The following BPTF variants were observed in gnomAD, a reference collection of about 807,000 sequenced individuals.
BPTF encodes the protein bromodomain PHD finger transcription factor.
BPTF carries 18 observed loss-of-function variants against 292.5 expected under a neutral mutation model. The observed-to-expected ratio is 0.06, with a 90% CI of 0.04 to 0.09. BPTF has a LOEUF of 0.09. Among genes scored for constraint, BPTF ranks in the 10% least tolerant of loss-of-function variants. BPTF has a pLI of 1.00. For synonymous variants in BPTF, 1,225 were observed against 1,251.9 expected (o/e 0.98, Z 0.45); for missense variants, 2,726 against 3,498.7 (o/e 0.78, Z 5.57).
At chr17:67,952,504 C>G (rs2066473823) in intron 23 of BPTF, among the ~76,000 whole-genome samples, 1 of 152,052 alleles carries the variant, frequency 6.6e-6, no homozygotes. Context: ...CTCAAGTGAT[C>G]CTCCCTCCTC....
intron 1 of BPTF, among the ~76,000 whole-genome samples, chr17:67,830,661 GC>G (rs2056586954): frequency 6.6e-6 from 1 of 152,110 alleles, no homozygotes; most frequent in Non-Finnish European, 1.5e-5. Context: ...GCGGGAGGGA[GC>G]AGCAGGCACT....
chr17:67,979,411 G>A (rs1238664565), intron 27 of BPTF, among the ~76,000 whole-genome samples: 2 of 151,878 alleles, frequency 1.3e-5, no homozygotes, highest in African/African-American at 4.8e-5. Flanking sequence ...GCCAGGTGTG[G>A]TTGCACATGC....
At position 67,967,014 on chromosome 17, in the gene BPTF, C is replaced by T. The variant is rs190132653; in HGVS notation, c.8539+358C>T. 7.9e-3 allele frequency among the ~76,000 whole-genome samples: 1,191 copies of T among 151,420 alleles called. 22 individuals are homozygous for T. The highest frequency in any genetic ancestry group is 0.028 in the African/African-American group (1,139 of 41,270). On this transcript the variant is annotated intron_variant, in intron 26 of 27. Transcript: ENST00000306378. Reference sequence around the variant, plus strand: ...ACTCAGGAGGCTGAGGCAGGAGAATCGCTTGAACCAGGGAGGCGGAGGTTG... The same window carrying T: ...ACTCAGGAGGCTGAGGCAGGAGAATTGCTTGAACCAGGGAGGCGGAGGTTG...
intron 11 of BPTF, among the ~76,000 whole-genome samples, chr17:67,918,381 A>AC (rs1157928504): frequency 1.3e-5 from 2 of 152,182 alleles, no homozygotes; most frequent in African/African-American, 4.8e-5. Flanking sequence ...CCTAACAGAT[A>AC]TTTTGGAATT....
intron 11 of BPTF, among the ~76,000 whole-genome samples, chr17:67,916,117 A>G (rs1417171845): frequency 2.0e-5 from 3 of 152,212 alleles, no homozygotes; most frequent in African/African-American, 7.2e-5. Context: ...TCCCTGCACT[A>G]GTTAACATTT....
At chr17:67,932,793 CTACAAAAGA>C (rs1186633282) in intron 18 of BPTF, among the ~76,000 whole-genome samples, 1 of 151,258 alleles carries the variant, frequency 6.6e-6, no homozygotes, top group East Asian at 1.9e-4. Flanking sequence ...ACTACAAAAG[CTACAAAAGA>C]TAAAAAAACT....
intron 1 of BPTF, among the ~76,000 whole-genome samples, chr17:67,831,850 A>G (rs2056712214): frequency 1.3e-5 from 2 of 152,046 alleles, no homozygotes; most frequent in Admixed American, 1.3e-4. Flanking sequence ...TACGGTGGTT[A>G]TGATCTCAGC....
intron 25 of BPTF, 193 bp from the exon 26 acceptor site, chr17:67,966,379 C>A: frequency 1.9e-6 from 1 of 518,778 alleles, no homozygotes; most frequent in South Asian, 2.2e-5. Flanking sequence ...TCTGACCAGC[C>A]TTTGAGTACC....
At chr17:67,924,868 C>T (rs1226155768) in intron 15 of BPTF, among the ~76,000 whole-genome samples, 3 of 152,008 alleles carry the variant, frequency 2.0e-5, no homozygotes, top group African/African-American at 7.2e-5. Context: ...CGGTCCTCAG[C>T]CTCCCTAGTA....
chr17:67,827,624 A>G (rs996905349), intron 1 of BPTF, among the ~76,000 whole-genome samples: 1 of 152,178 alleles, frequency 6.6e-6, no homozygotes, highest in African/African-American at 2.4e-5. Flanking sequence ...CGTTGAAGTA[A>G]GGTGTGTCAT....
At chr17:67,900,989 A>G (rs2061796633) in intron 7 of BPTF, among the ~76,000 whole-genome samples, 1 of 152,060 alleles carries the variant, frequency 6.6e-6, no homozygotes, top group African/African-American at 2.4e-5. Context: ...ACTGTACTGC[A>G]TCCTGGGCAA....
intron 12 of BPTF, 69 bp from the exon 13 acceptor site, chr17:67,919,946 C>A: frequency 6.8e-7 from 1 of 1,468,822 alleles, no homozygotes; most frequent in Middle Eastern, 2.0e-4. Context: ...TTTGAAAGCA[C>A]CAGATGTACC....
chr17:67,939,036 A>G (rs989605010), intron 18 of BPTF, among the ~76,000 whole-genome samples: 1 of 152,198 alleles, frequency 6.6e-6, no homozygotes, highest in Non-Finnish European at 1.5e-5. Flanking sequence ...TGAAATAGGC[A>G]CACAGAGCTG....
intron 12 of BPTF, among the ~76,000 whole-genome samples, chr17:67,919,568 T>G (rs1297826784): frequency 6.6e-6 from 1 of 152,018 alleles, no homozygotes; most frequent in Non-Finnish European, 1.5e-5. Context: ...CACATACAGC[T>G]TTGTTGAAGT....
At chr17:67,934,109 A>G (rs2064692213) in intron 18 of BPTF, among the ~76,000 whole-genome samples, 1 of 152,220 alleles carries the variant, frequency 6.6e-6, no homozygotes, top group Non-Finnish European at 1.5e-5. Flanking sequence ...CTTGAGTCAT[A>G]GATAAAACCT....
At chr17:67,870,504 C>T (rs2059657047) in intron 3 of BPTF, among the ~76,000 whole-genome samples, 1 of 152,096 alleles carries the variant, frequency 6.6e-6, no homozygotes, top group African/African-American at 2.4e-5. Context: ...CACCAGTTCA[C>T]CACTGTTACC....
intron 23 of BPTF, among the ~76,000 whole-genome samples, chr17:67,949,005 AT>A (rs1215447774): frequency 6.6e-6 from 1 of 152,040 alleles, no homozygotes; most frequent in Non-Finnish European, 1.5e-5. Context: ...CAAATAAAAA[AT>A]TTCTTCCTTG....
chr17:67,946,393 GT>G, intron 21 of BPTF, 68 bp downstream of exon 21: 2 of 1,546,678 alleles, frequency 1.3e-6, no homozygotes, highest in Non-Finnish European at 1.7e-6. Flanking sequence ...TAGAATTAGT[GT>G]TTGGTTGTGT....
intron 23 of BPTF, among the ~76,000 whole-genome samples, chr17:67,948,922 A>T (rs1039733223): frequency 1.3e-4 from 20 of 152,382 alleles, no homozygotes; most frequent in Admixed American, 5.2e-4. Context: ...TTGAAGCTGC[A>T]GTCAGCCCTG....
Sources: gnomAD v4.1 joint callset for allele counts (sites outside exome capture counted in the v4.1 genomes callset) on GRCh38, gnomAD v4.1.1 for gene constraint, MANE v1.5 for transcripts, NCBI Gene and HGNC (gene_info 2026-07-23, HGNC 2026-07-21) for gene names.